ZNF143: variants seen among roughly 807,000 people sequenced by gnomAD.
ZNF143 encodes the protein SPH-binding factor.
Under a neutral mutation model 74.1 loss-of-function variants are expected in ZNF143, and 49 were observed. The ratio of observed to expected loss-of-function variants is 0.66; its 90% CI spans 0.53 to 0.84. The LOEUF (loss-of-function observed/expected upper bound fraction) is 0.84, where lower values mean the gene tolerates loss of function less well. Ranked by LOEUF, ZNF143 falls within the 40% of genes least tolerant of loss-of-function variation. ZNF143 has a pLI of 0.00. For synonymous variants in ZNF143, 304 were observed against 282.8 expected (o/e 1.07, Z -0.75); for missense variants, 637 against 793.4 (o/e 0.80, Z 2.37).
At chr11:9,485,745 A>T (rs1434048264) in intron 7 of ZNF143, among the ~76,000 whole-genome samples, 1 of 151,628 alleles carries the variant, frequency 6.6e-6, no homozygotes, top group Non-Finnish European at 1.5e-5. Flanking sequence ...TTCAAAGAGA[A>T]TACATTTTTA....
intron 14 of ZNF143, among the ~76,000 whole-genome samples, chr11:9,520,025 ATTT>A (rs954404348): frequency 0.012 from 1,127 of 91,246 alleles, 7 homozygotes; most frequent in African/African-American, 0.049. Context: ...GTTTCCACCA[ATTT>A]TTTTTTTTTT....
chr11:9,503,744 G>T (rs1589921630), intron 11 of ZNF143, among the ~76,000 whole-genome samples: 2 of 151,480 alleles, frequency 1.3e-5, no homozygotes, highest in South Asian at 4.2e-4. Context: ...CCGGGTTCAA[G>T]CGATTGATTG....
chr11:9,497,931 C>T (rs560653991), intron 10 of ZNF143, 131 bp downstream of exon 10: 65 of 582,732 alleles, frequency 1.1e-4, no homozygotes, highest in African/African-American at 3.2e-4. Context: ...CCCGGGTTCA[C>T]GCCATTCTCC....
At position 9,478,397 on chromosome 11, in the gene ZNF143, T is replaced by C. The variant is rs1213718873; in HGVS notation, c.381T>C (p.Tyr127=). The change falls in exon 6 of 16, where the codon TAT becomes TAC. Residue 127 remains tyrosine (Y), a synonymous_variant. Transcript: ENST00000396602. ...AFIHHTSKDS[Y]DQSALQAVQL... is the part of the protein sequence containing the mutation. ...TCTCTTCCACTCTCTCAGATAGTTA[T>C]GACCAGAGTGCATTACAGGCGGTTC... 2 of 1,613,208 alleles carry C rather than the reference T, an allele frequency of 1.2e-6. No individual in the cohort carries two copies. Among genetic ancestry groups the C allele is most frequent in the South Asian group, 1.1e-5 (1 of 91,072 alleles).
At chr11:9,484,859 G>A (rs932272172) in intron 7 of ZNF143, among the ~76,000 whole-genome samples, 9 of 134,300 alleles carry the variant, frequency 6.7e-5, no homozygotes, top group Non-Finnish European at 9.3e-5. Flanking sequence ...GTGCAGTGGC[G>A]CGATCTTGGC....
intron 13 of ZNF143, among the ~76,000 whole-genome samples, chr11:9,512,940 T>A (rs1313810457): frequency 6.6e-6 from 1 of 151,702 alleles, no homozygotes; most frequent in African/African-American, 2.4e-5. Context: ...GGAGGTGAGA[T>A]TGAGAAAACA....
intron 3 of ZNF143, among the ~76,000 whole-genome samples, chr11:9,472,986 T>C (rs796263669): frequency 1.3e-5 from 2 of 151,848 alleles, no homozygotes; most frequent in African/African-American, 2.4e-5. Context: ...ATATCAAAAT[T>C]AGTGGGAGAG....
intron 7 of ZNF143, among the ~76,000 whole-genome samples, chr11:9,483,079 C>T (rs1190606425): frequency 2.7e-5 from 4 of 150,842 alleles, no homozygotes; most frequent in East Asian, 1.9e-4. Flanking sequence ...CTGCAACCTC[C>T]ACCTGCTGGG....
chr11:9,510,517 A>G (rs909636067), intron 12 of ZNF143, among the ~76,000 whole-genome samples: 3 of 152,166 alleles, frequency 2.0e-5, no homozygotes, highest in Admixed American at 6.5e-5. Flanking sequence ...TTCCAAGAAT[A>G]GGGATGGATT....
At position 9,479,336 on chromosome 11, in the gene ZNF143, T is replaced by G. The variant is rs1298842677; in HGVS notation, c.571-136T>G. On this transcript the variant is annotated intron_variant, in intron 6 of 15. Transcript: ENST00000396602. ...GGAAATTTTCAAATATACACAAAAA[T>G]AAATGATAATGAAGCCCCATGTACT... The G allele has an allele frequency of 1.1e-5, 6 of 527,290 alleles. No homozygotes were observed. In the East Asian group the frequency reaches 2.4e-4, roughly 21 times the overall value. 32.7% of individuals were successfully genotyped at this position (527,290 alleles called of 1,614,324 possible).
chr11:9,512,713 C>A, intron 13 of ZNF143, 117 bp downstream of exon 13: 4 of 1,313,352 alleles, frequency 3.0e-6, no homozygotes, highest in Admixed American at 2.1e-5. Context: ...GTTTGGAAAC[C>A]CTGAGGTTTT....
chr11:9,500,941 C>T, intron 10 of ZNF143, 150 bp from the exon 11 acceptor site: 1 of 853,084 alleles, frequency 1.2e-6, no homozygotes, highest in Non-Finnish European at 1.8e-6. Context: ...ATGCTGTTTC[C>T]CCAACCCCCC....
chr11:9,504,478 G>T lies in ZNF143; in HGVS notation c.1147+3208G>T, dbSNP rs1565054724. Among the ~76,000 whole-genome samples, 4 of 125,064 alleles carry T rather than the reference G, an allele frequency of 3.2e-5. 1 individual carries two copies. The highest frequency in any genetic ancestry group is 1.0e-4 in the African/African-American group (4 of 39,010). 82.0% of individuals were successfully genotyped at this position (125,064 alleles called of 152,430 possible). On this transcript the variant is annotated intron_variant, in intron 11 of 15. Transcript: ENST00000396602. Reference sequence around the variant, plus strand: ...TTTTTTAATTCTCTTAATGATATTTGCAGTATAGAAGCTTTTAATTTTAAT... The same window carrying T: ...TTTTTTAATTCTCTTAATGATATTTTCAGTATAGAAGCTTTTAATTTTAAT...
intron 2 of ZNF143, among the ~76,000 whole-genome samples, chr11:9,471,669 C>G (rs1856579526): frequency 6.6e-6 from 1 of 151,156 alleles, no homozygotes; most frequent in Non-Finnish European, 1.5e-5. Flanking sequence ...TCTCCTGCCT[C>G]AGCCTCCCGA....
intron 7 of ZNF143, among the ~76,000 whole-genome samples, chr11:9,485,520 G>A (rs1035590324): frequency 6.6e-6 from 1 of 151,208 alleles, no homozygotes; most frequent in Non-Finnish European, 1.5e-5. Context: ...GCTAGTTTTT[G>A]TATTTTTAGT....
chr11:9,473,440 T>A (rs918709885), intron 3 of ZNF143, among the ~76,000 whole-genome samples: 3 of 151,614 alleles, frequency 2.0e-5, no homozygotes, highest in Non-Finnish European at 4.4e-5. Flanking sequence ...ACATTGTCTC[T>A]GAATTAGTGT....
At chr11:9,489,096 G>A (rs1417331293) in intron 7 of ZNF143, among the ~76,000 whole-genome samples, 1 of 152,124 alleles carries the variant, frequency 6.6e-6, no homozygotes, top group African/African-American at 2.4e-5. Context: ...TATACTGTAG[G>A]TCATTGCTAT....
chr11:9,461,629 CCTTT>C (rs1314929434), intron 1 of ZNF143: 3 of 151,884 alleles, frequency 2.0e-5, no homozygotes, highest in African/African-American at 7.3e-5. Flanking sequence ...TCCCCCTCAC[CCTTT>C]CTTCTATTAA....
intron 11 of ZNF143, among the ~76,000 whole-genome samples, chr11:9,503,518 G>A (rs1848241718): frequency 6.6e-6 from 1 of 151,884 alleles, no homozygotes; most frequent in Admixed American, 6.6e-5. Context: ...GCTAACAGTT[G>A]TTATTATCCC....
Sources: gnomAD v4.1 joint callset for allele counts (sites outside exome capture counted in the v4.1 genomes callset) on GRCh38, gnomAD v4.1.1 for gene constraint, MANE v1.5 for transcripts, NCBI Gene and HGNC (gene_info 2026-07-23, HGNC 2026-07-21) for gene names.